Variants in TAFA5 observed in about 807,000 individuals in gnomAD.
The protein encoded by TAFA5 is chemokine-like protein TAFA-5.
In TAFA5, 6 loss-of-function variants were observed where a neutral mutation model predicts 15.3. The ratio of observed to expected loss-of-function variants is 0.39; its 90% confidence interval spans 0.21 to 0.77. TAFA5 has a LOEUF of 0.77. Ranked by LOEUF, TAFA5 falls within the 30% of genes least tolerant of loss-of-function variation. TAFA5 has a pLI of 0.41. For missense variants in TAFA5, 161 were observed against 193.1 expected, an observed-to-expected ratio of 0.83 and a Z score of 0.98; for synonymous variants, 103 against 80.7, an observed-to-expected ratio of 1.28 and a Z score of -1.48.
intron 1 of TAFA5, among the ~76,000 whole-genome samples, chr22:48,616,896 A>G (rs1393151052): frequency 1.3e-5 from 2 of 151,944 alleles, no homozygotes; most frequent in Non-Finnish European, 2.9e-5. Context: ...TGTCCGAGAG[A>G]GGCCTTCTAT....
At chr22:48,499,005 T>TGCCTCCCG (rs1402803530) in intron 1 of TAFA5, among the ~76,000 whole-genome samples, 1 of 152,200 alleles carries the variant, frequency 6.6e-6, no homozygotes, top group Non-Finnish European at 1.5e-5. Context: ...GCGTGTCCCT[T>TGCCTCCCG]GCCTCCCGTG....
chr22:48,555,302 G>A (rs1244767045), intron 1 of TAFA5, among the ~76,000 whole-genome samples: 2 of 152,218 alleles, frequency 1.3e-5, no homozygotes, highest in African/African-American at 4.8e-5. Context: ...AGGTGCCTGG[G>A]CATTCTCCTC....
rs187633217 is a variant in TAFA5, at chr22:48,667,779, A to G, written c.262+21033A>G. Among the ~76,000 whole-genome samples the G allele has an allele frequency of 1.7e-3, 49 of 28,496 alleles. 4 individuals are homozygous for G. The highest frequency in any genetic ancestry group is 0.028 in the Middle Eastern group (1 of 36). 18.7% of individuals were successfully genotyped at this position (28,496 alleles called of 152,430 possible). On this transcript the variant is annotated intron_variant, in intron 2 of 3. Coordinates refer to ENST00000402357, the MANE Select transcript of TAFA5 (RefSeq NM_001082967.3). ...GGCCGCGTCTTCACTGGGAGCTGTA[A>G]TCCCCCAGCACTCAGGACCGCGTCT...
chr22:48,742,980 C>T lies in TAFA5; in HGVS notation c.391-6859C>T, dbSNP rs917394177. On this transcript the variant is annotated intron_variant, in intron 3 of 3. Transcript: ENST00000402357. The surrounding 1 kb of genome is among the most constrained non-coding windows in gnomAD (Gnocchi z 6.2). ...TCAGCCCAGCCCTGGGACGCAGGCT[C>T]AGCAGCCCCCGGATTCCAGTCAACA... 1.1e-4 allele frequency among the ~76,000 whole-genome samples: 16 copies of T among 152,292 alleles called. No homozygotes were observed. Among genetic ancestry groups the T allele is most frequent in the African/African-American group, 3.6e-4 (15 of 41,560 alleles).
chr22:48,504,958 C>T (rs1424984441), intron 1 of TAFA5, among the ~76,000 whole-genome samples: 1 of 152,180 alleles, frequency 6.6e-6, no homozygotes, highest in African/African-American at 2.4e-5. Flanking sequence ...ATGGCTATCC[C>T]TGCTCAGGCC....
chr22:48,700,034 G>A (rs4925442), intron 2 of TAFA5, among the ~76,000 whole-genome samples: 29,291 of 151,870 alleles, frequency 0.19, 2,987 homozygotes, highest in Non-Finnish European at 0.22. Flanking sequence ...ACGAGTACAC[G>A]CACACACCAT....
chr22:48,611,633 C>G (rs1227374218), intron 1 of TAFA5, among the ~76,000 whole-genome samples: 2 of 152,290 alleles, frequency 1.3e-5, no homozygotes, highest in East Asian at 3.9e-4. Context: ...GATGTCGCCC[C>G]TTTGGTGTTC....
rs73435888 is a variant in TAFA5 at position 48,693,453 on chromosome 22, G to C, written c.263-14264G>C. 6,424 of 1,597,556 alleles carry C rather than the reference G, an allele frequency of 4.0e-3. 250 individuals carry two copies. The African/African-American group carries it at 0.074, about 18-fold the overall frequency. On this transcript the variant is annotated intron_variant, in intron 2 of 3. Coordinates refer to ENST00000402357, the MANE Select transcript of TAFA5 (RefSeq NM_001082967.3). The stretch of plus-strand genomic sequence containing the variant: ...TAAAGGAGGGACTGCGACTCTTGCA[G>C]ATGGCTGTGACTCAACCATGGGTAG...
intron 1 of TAFA5, among the ~76,000 whole-genome samples, chr22:48,565,371 AGCAAAGTCCTAGAAGTG>A (rs1400555180): frequency 6.6e-6 from 1 of 152,250 alleles, no homozygotes; most frequent in Non-Finnish European, 1.5e-5. Context: ...CTTAATGGAC[AGCAAAGTCCTAGAAGTG>A]GCTGTGGGGT....
intron 1 of TAFA5, among the ~76,000 whole-genome samples, chr22:48,605,006 C>T (rs1016175469): frequency 7.5e-4 from 112 of 150,116 alleles, no homozygotes; most frequent in Middle Eastern, 6.9e-3. Context: ...GAGATCTTGG[C>T]GGTGTTGATG....
chr22:48,693,092 C>T lies in TAFA5; in HGVS notation c.263-14625C>T, dbSNP rs1432369358. ...CCAAGGCCGTTGGAACGCTGCCCTT[C>T]GACCCTGTCCGCCCACTCGGATTCC... On this transcript the variant is annotated intron_variant, in intron 2 of 3. Transcript: ENST00000402357. 2.6e-5 allele frequency among the ~76,000 whole-genome samples: 4 copies of T among 152,258 alleles called. No individual in the cohort carries two copies. In the East Asian group the frequency reaches 5.8e-4, roughly 22 times the overall value.
At position 48,508,875 on chromosome 22, in the gene TAFA5, G is replaced by T. The variant is rs143683612; in HGVS notation, c.112+19171G>T. On this transcript the variant is annotated intron_variant, in intron 1 of 3. Coordinates refer to ENST00000402357, the MANE Select transcript of TAFA5 (RefSeq NM_001082967.3). Reference sequence around the variant, plus strand: ...TAACATCTGCAGTATATTACTCTTAGCTGTGGTCGCCCTACTGTGCATAGA... The same window carrying T: ...TAACATCTGCAGTATATTACTCTTATCTGTGGTCGCCCTACTGTGCATAGA... 5.5e-3 allele frequency among the ~76,000 whole-genome samples: 832 copies of T among 152,162 alleles called. 6 individuals carry two copies. Among genetic ancestry groups the T allele is most frequent in the African/African-American group, 0.019 (792 of 41,498 alleles).
rs571824729 is a variant in TAFA5, at chr22:48,508,033, A to C, written c.112+18329A>C. The stretch of plus-strand genomic sequence containing the variant: ...GGAGGGGTTGTTGGGCAGTGGGGAG[A>C]ACTGTCACTCGGCCCCTAGAGCCGC... On this transcript the variant is annotated intron_variant, in intron 1 of 3. Coordinates refer to ENST00000402357, the MANE Select transcript of TAFA5 (RefSeq NM_001082967.3). 1.2e-4 allele frequency among the ~76,000 whole-genome samples: 19 copies of C among 152,154 alleles called. No individual in the cohort carries two copies. The South Asian group carries it at 3.9e-3, about 32-fold the overall frequency.
In TAFA5 at chr22:48,742,068, G is replaced by T. The variant is rs1601710782; in HGVS notation, c.391-7771G>T. 6.6e-6 allele frequency among the ~76,000 whole-genome samples: 1 copy of T among 152,206 alleles called. No homozygotes were observed. The highest frequency in any genetic ancestry group is 2.1e-4 in the South Asian group (1 of 4,828). ...GACGGGGAAACTGGGGCTCCCAGAG[G>T]CTCCAGCTGGGAGGCTGTGGGAGGT... On this transcript the variant is annotated intron_variant, in intron 3 of 3. Transcript: ENST00000402357. This position sits in a 1 kb window ranked among gnomAD's most constrained non-coding sequence, Gnocchi z 6.2.
chr22:48,493,677 T>C (rs1252695578), intron 1 of TAFA5, among the ~76,000 whole-genome samples: 1 of 152,228 alleles, frequency 6.6e-6, no homozygotes, highest in Non-Finnish European at 1.5e-5. Flanking sequence ...TTTGTTTTTT[T>C]TCAGCTCCAT....
intron 1 of TAFA5, among the ~76,000 whole-genome samples, chr22:48,617,982 C>A (rs935841338): frequency 1.3e-5 from 2 of 152,162 alleles, no homozygotes; most frequent in African/African-American, 4.8e-5. Flanking sequence ...GTTTTTATGG[C>A]CATTTTTTAC....
chr22:48,513,346 C>T (rs1275605245), intron 1 of TAFA5, among the ~76,000 whole-genome samples: 1 of 152,214 alleles, frequency 6.6e-6, no homozygotes, highest in East Asian at 1.9e-4. Flanking sequence ...TTGCTTCAAG[C>T]CTCAGTTTCC....
chr22:48,539,332 G>A (rs905033211), intron 1 of TAFA5: 11 of 469,146 alleles, frequency 2.3e-5, no homozygotes, highest in East Asian at 7.0e-5. Flanking sequence ...AGGCAAAGCC[G>A]ATACCCTAAT....
intron 1 of TAFA5, among the ~76,000 whole-genome samples, chr22:48,492,018 A>G (rs1928170189): frequency 6.6e-6 from 1 of 152,090 alleles, no homozygotes; most frequent in Non-Finnish European, 1.5e-5. Context: ...TAAGAGACAC[A>G]CCCCATTACA....
Sources: gnomAD v4.1 joint callset for allele counts (sites outside exome capture counted in the v4.1 genomes callset) on GRCh38, gnomAD v4.1.1 for gene constraint, Gnocchi (gnomAD v3.1) non-coding constraint, MANE v1.5 for transcripts, NCBI Gene and HGNC (gene_info 2026-07-23, HGNC 2026-07-21) for gene names.